The following MAGEB3 variants were observed in gnomAD, a reference collection of about 807,000 sequenced individuals.
MAGEB3 encodes the protein melanoma-associated antigen B3.
For synonymous variants in MAGEB3, 91 were observed against 93.0 expected, an observed-to-expected ratio of 0.98 and a Z score of 0.12; for missense variants, 191 against 262.4, an observed-to-expected ratio of 0.73 and a Z score of 1.88.
chrX:30,236,231 A>C lies in MAGEB3; in HGVS notation c.307A>C (p.Thr103Pro), dbSNP rs777321413. ...KQSFSQGLSS[T>P]VQSRTDPLIM... is the part of the protein sequence containing the mutation. Reference sequence around the variant, plus strand: ...AAGCTTCTCTCAGGGTCTATCCTCCACTGTGCAGTCTCGCACAGACCCTCT... The same window carrying C: ...AAGCTTCTCTCAGGGTCTATCCTCCCCTGTGCAGTCTCGCACAGACCCTCT... Residue 103 changes from threonine to proline, a missense_variant, in exon 5 of 5, where the codon ACT (threonine) becomes CCT (proline). Physicochemically the swap from Thr to Pro is conservative, Grantham distance 38 (BLOSUM62 -1). Coordinates refer to ENST00000361644, the MANE Select transcript of MAGEB3 (RefSeq NM_002365.5). 2.5e-6 allele frequency: 3 copies of C among 1,210,306 alleles called. No individual in the cohort carries two copies. The South Asian group carries it at 5.3e-5, about 21-fold the overall frequency.
chrX:30,232,543 C>T (rs1453028583), intron 2 of MAGEB3, among the ~76,000 whole-genome samples: 1 of 106,088 alleles, frequency 9.4e-6, no homozygotes, highest in East Asian at 3.0e-4. Context: ...ATCGCTTAAG[C>T]CCTAGGGGTC....
In MAGEB3 at chrX:30,236,072, A is replaced by T. The variant is rs1460266523; in HGVS notation, c.148A>T (p.Ile50Phe). 2 of 1,209,388 alleles carry T rather than the reference A, an allele frequency of 1.7e-6. No individual in the cohort carries two copies. The highest frequency in any genetic ancestry group is 2.2e-6 in the Non-Finnish European group (2 of 894,940). Residue 50 changes from isoleucine (I) to phenylalanine (F), a missense_variant, in exon 5 of 5, where the codon ATC becomes TTC. By Grantham distance (21) the Ile-to-Phe change is conservative. Transcript: ENST00000361644. ...ATCCCCTCTTATTTTGGGGGCTACTATCCAGAAAAAGTCTGCTGGTAGGTC... is the reference window on the plus strand; with the variant it reads ...ATCCCCTCTTATTTTGGGGGCTACTTTCCAGAAAAAGTCTGCTGGTAGGTC... Reference protein sequence around the residue: ...FSSPLILGATIQKKSAGRSRS... With the variant: ...FSSPLILGATFQKKSAGRSRS...
In MAGEB3 at chrX:30,235,951, C is replaced by T; in HGVS notation, c.27C>T (p.Leu9=). 2 of 1,208,998 alleles carry T rather than the reference C, an allele frequency of 1.7e-6. No individual in the cohort carries two copies. The highest frequency in any genetic ancestry group is 2.2e-6 in the Non-Finnish European group (2 of 894,271). The change falls in exon 5 of 5, where the codon CTC becomes CTT. Residue 9 remains leucine, a synonymous_variant. Coordinates refer to ENST00000361644, the MANE Select transcript of MAGEB3 (RefSeq NM_002365.5). ...TGCCTCGGGGTCAGAAGAGTACGCT[C>T]CATGCACGTGAGAAACGCCAGCAGA... MPRGQKST[L]HAREKRQQTR...
Position 30,237,025 on chromosome X carries a change from T to G in MAGEB3, c.*60T>G. On this transcript the variant is annotated 3_prime_UTR_variant, in exon 5 of 5. Transcript: ENST00000361644. ...AGAGGGCAGTCACTGTTCCAAGGAGTGAAGGACTGGGTGTTACTGGAGGGA... is the reference window on the plus strand; with the variant it reads ...AGAGGGCAGTCACTGTTCCAAGGAGGGAAGGACTGGGTGTTACTGGAGGGA... The G allele has an allele frequency of 1.1e-6, 1 of 882,732 alleles. No homozygotes were observed. Among genetic ancestry groups the G allele is most frequent in the Non-Finnish European group, 1.6e-6 (1 of 630,110 alleles). The allele number at this position is 882,732 out of a possible 1,213,427, so 72.7% of individuals were successfully genotyped here.
intron 2 of MAGEB3, among the ~76,000 whole-genome samples, chrX:30,232,142 G>C (rs1166977598): frequency 8.9e-6 from 1 of 112,062 alleles, no homozygotes; most frequent in African/African-American, 3.2e-5. Flanking sequence ...CCGGAGTAAA[G>C]GTAAGAACCC....
chrX:30,231,793 T>C (rs1469046630), intron 2 of MAGEB3, among the ~76,000 whole-genome samples, 175 bp downstream of exon 2: 1 of 107,652 alleles, frequency 9.3e-6, no homozygotes, highest in African/African-American at 3.4e-5. Flanking sequence ...CCTAACCCTG[T>C]TTCAGGTCTT....
rs751110422 is a variant in MAGEB3, at chrX:30,237,217, G to T, written c.*252G>T. The T allele has an allele frequency of 5.2e-5, 15 of 288,712 alleles. No individual in the cohort carries two copies. Among genetic ancestry groups the T allele is most frequent in the South Asian group, 2.2e-4 (1 of 4,548 alleles). The allele number at this position is 288,712 out of a possible 1,213,427, so 23.8% of individuals were successfully genotyped here. The stretch of plus-strand genomic sequence containing the variant: ...TTAAGAGTAAAAATTTTGCTGTTTT[G>T]TAAAACAGATTGAGAAAAATTCGAT... On this transcript the variant is annotated 3_prime_UTR_variant, in exon 5 of 5. Coordinates refer to ENST00000361644, the MANE Select transcript of MAGEB3 (RefSeq NM_002365.5).
chrX:30,235,943 A>G lies in MAGEB3; in HGVS notation c.19A>G (p.Ser7Gly). 1.7e-6 allele frequency: 2 copies of G among 1,206,631 alleles called. No homozygotes were observed. Among genetic ancestry groups the G allele is most frequent in the Non-Finnish European group, 2.2e-6 (2 of 893,226 alleles). Residue 7 changes from serine to glycine, a missense_variant, in exon 5 of 5, where the codon AGT becomes GGT. Ser to Gly is a moderately conservative substitution (Grantham distance 56). Transcript: ENST00000361644. The stretch of plus-strand genomic sequence containing the variant: ...AGCCATCATGCCTCGGGGTCAGAAG[A>G]GTACGCTCCATGCACGTGAGAAACG... MPRGQK[S>G]TLHAREKRQQ...
Position 30,237,012 on chromosome X carries a change from CTG to C in MAGEB3, c.*49_*50del, listed in dbSNP as rs577770423. 53 of 1,008,738 alleles carry C rather than the reference CTG, an allele frequency of 5.3e-5. 1 individual carries two copies. In the South Asian group the frequency reaches 1.2e-3, roughly 23 times the overall value. The allele number at this position is 1,008,738 out of a possible 1,213,427, so 83.1% of individuals were successfully genotyped here. ...ATTTTGTGGTTAAAGAGGGCAGTCACTGTTCCAAGGAGTGAAGGACTGGGTGT... is the reference window on the plus strand; with the variant it reads ...ATTTTGTGGTTAAAGAGGGCAGTCACTTCCAAGGAGTGAAGGACTGGGTGT... On this transcript the variant is annotated 3_prime_UTR_variant, in exon 5 of 5. Transcript: ENST00000361644.
At position 30,234,600 on chromosome X, in the gene MAGEB3, C is replaced by T. The variant is rs184305082; in HGVS notation, c.-62+1237C>T. On this transcript the variant is annotated intron_variant, in intron 4 of 4. Coordinates refer to ENST00000361644, the MANE Select transcript of MAGEB3 (RefSeq NM_002365.5). ...TCCCTGGGAATACCTTGAAAGCTGT[C>T]TGACAGATATCTACCTGGAAAGTCT... Among the ~76,000 whole-genome samples the T allele has an allele frequency of 8.3e-4, 92 of 111,221 alleles. 1 individual carries two copies. The highest frequency in any genetic ancestry group is 5.2e-3 in the Admixed American group (55 of 10,537).
In MAGEB3 at chrX:30,231,517, G is replaced by A. The variant is rs761155449; in HGVS notation, c.-355G>A. The A allele has an allele frequency of 8.8e-5, 9 of 102,738 alleles. No homozygotes were observed. The South Asian group carries it at 1.4e-3, about 16-fold the overall frequency. The allele number at this position is 102,738 out of a possible 1,213,427, so 8.5% of individuals were successfully genotyped here. ...TAAACTTTTTTTTTTTAATTTTAAG[G>A]CAGGGCTCTGGCTCACGCTTGTAAT... On this transcript the variant is annotated splice_region_variant and 5_prime_UTR_variant, in exon 2 of 5. Transcript: ENST00000361644.
Position 30,236,884 on chromosome X carries a change from T to A in MAGEB3, c.960T>A (p.Ala320=), listed in dbSNP as rs1185009557. Reference sequence around the variant, plus strand: ...GAGATGAGGAAGAAAGAGTCCAAGCTGCAGCTATGCTCAATGATGGCAGTA... The same window carrying A: ...GAGATGAGGAAGAAAGAGTCCAAGCAGCAGCTATGCTCAATGATGGCAGTA... ...ALRDEEERVQ[A]AAMLNDGSSA... is the part of the protein sequence containing the mutation. The change falls in exon 5 of 5, where the codon GCT becomes GCA. Residue 320 remains alanine, a synonymous_variant. Coordinates refer to ENST00000361644, the MANE Select transcript of MAGEB3 (RefSeq NM_002365.5). 8.3e-7 allele frequency: 1 copy of A among 1,210,012 alleles called. No individual in the cohort carries two copies. Among genetic ancestry groups the A allele is most frequent in the African/African-American group, 1.7e-5 (1 of 57,246 alleles).
intron 2 of MAGEB3, among the ~76,000 whole-genome samples, chrX:30,232,497 T>G (rs959135102): frequency 1.9e-5 from 2 of 104,738 alleles, no homozygotes; most frequent in African/African-American, 7.0e-5. Context: ...GGAGCACCCC[T>G]GTAGTCCCAG....
At chrX:30,235,115 C>G (rs1283921083) in intron 4 of MAGEB3, among the ~76,000 whole-genome samples, 1 of 111,131 alleles carries the variant, frequency 9.0e-6, no homozygotes, top group Non-Finnish European at 1.9e-5. Flanking sequence ...ACAGGGGTCA[C>G]AGTGAGGACC....
intron 4 of MAGEB3, among the ~76,000 whole-genome samples, chrX:30,233,998 G>T (rs1569253813): frequency 8.9e-6 from 1 of 112,467 alleles, no homozygotes; most frequent in Non-Finnish European, 1.9e-5. Flanking sequence ...CCCAGTAGGG[G>T]CGTCAACAGA....
At chrX:30,231,763 A>C (rs1300722861) in intron 2 of MAGEB3, 145 bp downstream of exon 2, 1 of 106,438 alleles carries the variant, frequency 9.4e-6, no homozygotes, top group African/African-American at 3.5e-5. Context: ...CTCTCTCCAA[A>C]AGAAGGGCCC....
At position 30,237,424 on chromosome X, in the gene MAGEB3, A is replaced by G. The variant is rs751411890; in HGVS notation, c.*459A>G. Reference sequence around the variant, plus strand: ...TGTGCTTTAAGAAAATGAAAGATAAATAACCATATATGTCTGGCTTACTTA... The same window carrying G: ...TGTGCTTTAAGAAAATGAAAGATAAGTAACCATATATGTCTGGCTTACTTA... On this transcript the variant is annotated 3_prime_UTR_variant, in exon 5 of 5. Transcript: ENST00000361644. The G allele has an allele frequency of 1.6e-3, 206 of 126,181 alleles. 1 individual carries two copies. Among genetic ancestry groups the G allele is most frequent in the Middle Eastern group, 4.5e-3 (1 of 224 alleles). The allele number at this position is 126,181 out of a possible 1,213,427, so 10.4% of individuals were successfully genotyped here. A position where few individuals can be genotyped will look rare whatever the true frequency, so the allele number is the denominator to read the frequency against.
chrX:30,235,010 G>A (rs1300322634), intron 4 of MAGEB3, among the ~76,000 whole-genome samples: 5 of 111,586 alleles, frequency 4.5e-5, no homozygotes, highest in African/African-American at 1.6e-4. Context: ...TTGGAATAAC[G>A]TCAGCCCCCC....
At chrX:30,232,240 C>T (rs1250987719) in intron 2 of MAGEB3, among the ~76,000 whole-genome samples, 3 of 111,716 alleles carry the variant, frequency 2.7e-5, no homozygotes, top group African/African-American at 9.8e-5. Flanking sequence ...TCATTTCAGC[C>T]TGGCGGGTCT....
Sources: allele counts gnomAD v4.1 joint callset (sites outside exome capture counted in the v4.1 genomes callset), GRCh38; gene constraint gnomAD v4.1.1; transcripts MANE v1.5; gene names NCBI Gene and HGNC (gene_info 2026-07-23, HGNC 2026-07-21).